Variants in AHI1 observed in about 807,000 individuals in gnomAD.
The protein encoded by AHI1 is Abelson helper integration site 1, also known as jouberin.
In AHI1, 123 loss-of-function variants were observed where a neutral mutation model predicts 149.3. That is an observed-to-expected ratio of 0.82 (90% confidence interval 0.71 to 0.96). The LOEUF is 0.96. Ranked by LOEUF, AHI1 falls within the 40% of genes least tolerant of loss-of-function variation. The probability of loss-of-function intolerance (pLI) is 0.00; values close to 1 mark genes in which losing one functional copy is unlikely to be tolerated. For missense variants in AHI1, 1,439 were observed against 1,422.7 expected (o/e 1.01, Z -0.18); for synonymous variants, 475 against 459.8 (o/e 1.03, Z -0.42).
intron 24 of AHI1, among the ~76,000 whole-genome samples, chr6:135,347,390 G>A (rs1440257857): frequency 6.6e-6 from 1 of 152,120 alleles, no homozygotes; most frequent in Non-Finnish European, 1.5e-5. Flanking sequence ...TTTGCCTTGT[G>A]CCACTGAATG....
At chr6:135,311,318 AAAAAGATGTC>A (rs1399925667) in intron 26 of AHI1, among the ~76,000 whole-genome samples, 73 of 151,916 alleles carry the variant, frequency 4.8e-4, no homozygotes, top group African/African-American at 1.7e-3. Flanking sequence ...AAAAAAAAAA[AAAAAGATGTC>A]AAAGATATAT....
At chr6:135,296,937 C>T (rs1783171687) in intron 27 of AHI1, among the ~76,000 whole-genome samples, 1 of 152,182 alleles carries the variant, frequency 6.6e-6, no homozygotes, top group South Asian at 2.1e-4. Flanking sequence ...CCACAATGTA[C>T]AAGTTGTGTA....
intron 24 of AHI1, among the ~76,000 whole-genome samples, chr6:135,346,489 C>T (rs1424399916): frequency 6.6e-6 from 1 of 152,104 alleles, no homozygotes; most frequent in Non-Finnish European, 1.5e-5. Flanking sequence ...CGTGAGCCAT[C>T]ATGCCTGGCC....
chr6:135,313,682 A>C (rs1785521180), intron 26 of AHI1, among the ~76,000 whole-genome samples: 1 of 152,182 alleles, frequency 6.6e-6, no homozygotes, highest in Non-Finnish European at 1.5e-5. Flanking sequence ...GAGTCCACCT[A>C]AGTAGAGTGG....
intron 8 of AHI1, among the ~76,000 whole-genome samples, chr6:135,462,182 A>G (rs921671143): frequency 6.6e-6 from 1 of 152,072 alleles, no homozygotes; most frequent in Admixed American, 6.6e-5. Flanking sequence ...ACAAAACATC[A>G]TCACTTACAT....
chr6:135,361,171 G>C (rs538674775), intron 23 of AHI1, among the ~76,000 whole-genome samples: 1 of 152,012 alleles, frequency 6.6e-6, no homozygotes, highest in Non-Finnish European at 1.5e-5. Context: ...CCTTGAATTA[G>C]GATTTCTTCT....
At chr6:135,376,707 C>T (rs1004266790) in intron 23 of AHI1, among the ~76,000 whole-genome samples, 3 of 151,500 alleles carry the variant, frequency 2.0e-5, no homozygotes, top group Admixed American at 1.3e-4. Flanking sequence ...CATGGTGAAA[C>T]CCCATCTCTA....
At chr6:135,412,235 T>C (rs868631889) in intron 20 of AHI1, among the ~76,000 whole-genome samples, 31 of 152,204 alleles carry the variant, frequency 2.0e-4, no homozygotes, top group Non-Finnish European at 1.9e-4. Context: ...ATTTATACTA[T>C]ATTAGGTATT....
intron 13 of AHI1, among the ~76,000 whole-genome samples, chr6:135,446,244 T>C (rs929450442): frequency 1.3e-5 from 2 of 152,090 alleles, no homozygotes; most frequent in South Asian, 2.1e-4. Context: ...TTTGGAGACA[T>C]GGTCTTTAAA....
chr6:135,365,270 A>C (rs756600852), intron 23 of AHI1, among the ~76,000 whole-genome samples: 3 of 152,198 alleles, frequency 2.0e-5, no homozygotes, highest in Non-Finnish European at 2.9e-5. Flanking sequence ...CTTTTTGCTT[A>C]GTCTTGCTTT....
rs76213964 is a variant in AHI1, at chr6:135,400,614, T to C, written c.2988+4337A>G. Among the ~76,000 whole-genome samples the C allele has an allele frequency of 1.1e-4, 16 of 152,328 alleles. No homozygotes were observed. The East Asian group carries it at 2.9e-3, about 27-fold the overall frequency. On this transcript the variant is annotated intron_variant, in intron 22 of 28. Transcript: ENST00000265602. Reference sequence around the variant, plus strand: ...TGTGTTATTCCTCCCTGAGGTAATTTATAATCTAATGTCAAAAAGAAAAAA... The same window carrying C: ...TGTGTTATTCCTCCCTGAGGTAATTCATAATCTAATGTCAAAAAGAAAAAA...
chr6:135,456,629 G>A (rs1245326816), intron 9 of AHI1, among the ~76,000 whole-genome samples: 1 of 151,270 alleles, frequency 6.6e-6, no homozygotes, highest in Admixed American at 6.6e-5. Context: ...TATTTTCTTT[G>A]TGTGCCCTAA....
intron 24 of AHI1, among the ~76,000 whole-genome samples, chr6:135,336,722 G>T (rs1484078642): frequency 6.6e-6 from 1 of 152,086 alleles, no homozygotes; most frequent in Non-Finnish European, 1.5e-5. Context: ...GACCTCAGTT[G>T]GGTTTTCTCT....
intron 23 of AHI1, among the ~76,000 whole-genome samples, chr6:135,389,137 T>G (rs181874090): frequency 6.6e-6 from 1 of 151,490 alleles, no homozygotes; most frequent in Non-Finnish European, 1.5e-5. Flanking sequence ...GGTGAAACCC[T>G]GTCTCTACTA....
rs761201727 is a variant in AHI1, at chr6:135,336,067, C to T, written c.3166-12743G>A. 4.9e-4 allele frequency among the ~76,000 whole-genome samples: 71 copies of T among 145,906 alleles called. 2 individuals are homozygous for T. The highest frequency in any genetic ancestry group is 4.8e-3 in the Admixed American group (69 of 14,392). On this transcript the variant is annotated intron_variant, in intron 24 of 28. Transcript: ENST00000265602. ...GGCAGAGGTTGTAGTGAGCCAAGAT[C>T]GCACCACTGCACTGCACCCTGGATG...
At chr6:135,483,721 CTTTA>C (rs1336323150) in intron 5 of AHI1, among the ~76,000 whole-genome samples, 1 of 152,146 alleles carries the variant, frequency 6.6e-6, no homozygotes, top group East Asian at 1.9e-4. Context: ...AGTATATTCT[CTTTA>C]TTTATCAAGC....
chr6:135,446,963 A>C (rs774509996), intron 13 of AHI1, 45 bp downstream of exon 13: 1 of 1,562,080 alleles, frequency 6.4e-7, no homozygotes, highest in South Asian at 1.2e-5. Flanking sequence ...TTTTTAAGGT[A>C]ATAAGTAAAC....
At chr6:135,412,753 G>C (rs1436230094) in intron 20 of AHI1, among the ~76,000 whole-genome samples, 1 of 152,088 alleles carries the variant, frequency 6.6e-6, no homozygotes, top group Non-Finnish European at 1.5e-5. Flanking sequence ...ACATAATCTT[G>C]AAATGGAAAG....
At chr6:135,374,958 C>T (rs1005219533) in intron 23 of AHI1, among the ~76,000 whole-genome samples, 2 of 152,140 alleles carry the variant, frequency 1.3e-5, no homozygotes, top group Non-Finnish European at 1.5e-5. Context: ...ATAAAATAGG[C>T]TTTGTCTTAG....
Sources: gnomAD v4.1 joint callset for allele counts (sites outside exome capture counted in the v4.1 genomes callset) on GRCh38, gnomAD v4.1.1 for gene constraint, MANE v1.5 for transcripts, NCBI Gene and HGNC (gene_info 2026-07-23, HGNC 2026-07-21) for gene names.